The following CRACR2A variants were observed in gnomAD, a reference collection of about 807,000 sequenced individuals.
CRACR2A encodes the protein calcium release activated channel regulator 2A, also known as EF-hand calcium-binding domain-containing protein 4B.
In CRACR2A, 79 loss-of-function variants were observed where a neutral mutation model predicts 90.5. That is an observed-to-expected ratio of 0.87 (90% CI 0.73 to 1.05). CRACR2A has a LOEUF of 1.05. Ranked by LOEUF, CRACR2A falls within the 50% of genes least tolerant of loss-of-function variation. CRACR2A has a pLI of 0.00. For missense variants in CRACR2A, 823 were observed against 897.2 expected (o/e 0.92, Z 1.06); for synonymous variants, 338 against 356.7 (o/e 0.95, Z 0.59).
At chr12:3,744,282 T>C (rs1946575633) in intron 1 of CRACR2A, among the ~76,000 whole-genome samples, 1 of 152,264 alleles carries the variant, frequency 6.6e-6, no homozygotes, top group Non-Finnish European at 1.5e-5. Context: ...AATGAAGCTA[T>C]TTTTAAGTGA....
intron 10 of CRACR2A, among the ~76,000 whole-genome samples, chr12:3,652,844 G>A (rs1944818524): frequency 6.6e-6 from 1 of 152,176 alleles, no homozygotes; most frequent in South Asian, 2.1e-4. Flanking sequence ...TCCAACTCTT[G>A]TAAGAATATT....
At chr12:3,636,427 G>T (rs1485284192) in intron 14 of CRACR2A, among the ~76,000 whole-genome samples, 1 of 152,242 alleles carries the variant, frequency 6.6e-6, no homozygotes, top group African/African-American at 2.4e-5. Flanking sequence ...AAGTGAGAGA[G>T]CTCAGTGAGG....
At position 3,638,325 on chromosome 12, in the gene CRACR2A, C is replaced by A. The variant is rs752217213; in HGVS notation, c.1401G>T (p.Pro467=). The A allele has an allele frequency of 1.3e-6, 2 of 1,551,186 alleles. No homozygotes were observed. Among genetic ancestry groups the A allele is most frequent in the South Asian group, 2.4e-5 (2 of 84,056 alleles). The change falls in exon 14 of 20, where the codon CCG becomes CCT. Residue 467 remains proline, a synonymous_variant. Coordinates refer to ENST00000440314, the MANE Select transcript of CRACR2A (RefSeq NM_001144958.2). Reference sequence around the variant, plus strand: ...CTTCAACGGAGATGATTCTGCGGAGCGGCCGGGGGTACGGACCCCCAGGCC... The same window carrying A: ...CTTCAACGGAGATGATTCTGCGGAGAGGCCGGGGGTACGGACCCCCAGGCC... ...EPGPGGPYPR[P]LRRIISVEED...
intron 15 of CRACR2A, among the ~76,000 whole-genome samples, chr12:3,632,945 A>G (rs1297578400): frequency 6.6e-6 from 1 of 152,224 alleles, no homozygotes; most frequent in African/African-American, 2.4e-5. Flanking sequence ...ACATATTCCA[A>G]TGCAACCCTC....
intron 11 of CRACR2A, among the ~76,000 whole-genome samples, chr12:3,647,497 A>C (rs1004864725): frequency 6.6e-6 from 1 of 152,114 alleles, no homozygotes; most frequent in Admixed American, 6.5e-5. Flanking sequence ...AAAAGACCCC[A>C]AACTTGTCCT....
At position 3,713,317 on chromosome 12, in the gene CRACR2A, C is replaced by T; in HGVS notation, c.-117G>A. On this transcript the variant is annotated splice_region_variant and 5_prime_UTR_variant, in exon 3 of 20. In the 5' UTR this introduces an upstream ATG that the reference lacks. Coordinates refer to ENST00000440314, the MANE Select transcript of CRACR2A (RefSeq NM_001144958.2). ...TTGGCCACTGGTGACTTGAATTCCA[C>T]CTAGGAAACACACAAGAGATGAATC... The T allele has an allele frequency of 1.0e-6, 1 of 985,034 alleles. No homozygotes were observed. The highest frequency in any genetic ancestry group is 1.7e-5 in the African/African-American group (1 of 57,266). 61.0% of individuals were successfully genotyped at this position (985,034 alleles called of 1,614,324 possible). A position where few individuals can be genotyped will look rare whatever the true frequency, so the allele number is the denominator to read the frequency against.
At chr12:3,620,882 T>C (rs892527095) in intron 17 of CRACR2A, among the ~76,000 whole-genome samples, 5 of 152,246 alleles carry the variant, frequency 3.3e-5, no homozygotes, top group Non-Finnish European at 1.5e-5. Flanking sequence ...GGATTGTACA[T>C]ATTCCAACTA....
At chr12:3,747,935 C>T (rs1172979412) in intron 1 of CRACR2A, among the ~76,000 whole-genome samples, 1 of 148,448 alleles carries the variant, frequency 6.7e-6, no homozygotes, top group African/African-American at 2.6e-5. Flanking sequence ...CCCAGAAGGG[C>T]ACAGAGCTCC....
intron 6 of CRACR2A, among the ~76,000 whole-genome samples, chr12:3,678,683 G>C (rs1248632156): frequency 6.6e-6 from 1 of 152,042 alleles, no homozygotes; most frequent in Non-Finnish European, 1.5e-5. Context: ...AAGGAGAATA[G>C]GAATGATTCC....
chr12:3,680,601 T>G (rs950090230), intron 4 of CRACR2A, among the ~76,000 whole-genome samples: 9 of 152,260 alleles, frequency 5.9e-5, no homozygotes, highest in African/African-American at 9.6e-5. Flanking sequence ...AACAAATATG[T>G]AAATATGCAT....
intron 8 of CRACR2A, among the ~76,000 whole-genome samples, chr12:3,657,434 AG>A (rs1057138362): frequency 1.3e-5 from 2 of 152,202 alleles, no homozygotes; most frequent in African/African-American, 4.8e-5. Flanking sequence ...CAGCAGCAGC[AG>A]CGCGGTGGGG....
At chr12:3,694,396 C>T (rs935459599) in intron 4 of CRACR2A, among the ~76,000 whole-genome samples, 4 of 152,228 alleles carry the variant, frequency 2.6e-5, no homozygotes, top group Admixed American at 6.5e-5. Flanking sequence ...AGGACCTTTC[C>T]TGCTTTCTGA....
At chr12:3,707,773 C>T (rs983473541) in intron 3 of CRACR2A, among the ~76,000 whole-genome samples, 5 of 152,182 alleles carry the variant, frequency 3.3e-5, no homozygotes, top group African/African-American at 1.2e-4. Flanking sequence ...TTCCCTGGGC[C>T]CGGAAGAGAG....
chr12:3,647,401 G>GTA (rs1944707752), intron 11 of CRACR2A, among the ~76,000 whole-genome samples: 1 of 152,058 alleles, frequency 6.6e-6, no homozygotes, highest in Non-Finnish European at 1.5e-5. Flanking sequence ...AGACCCATAA[G>GTA]TATTTGTAGA....
At chr12:3,678,307 A>G (rs556135136) in intron 6 of CRACR2A, among the ~76,000 whole-genome samples, 2 of 152,276 alleles carry the variant, frequency 1.3e-5, no homozygotes, top group African/African-American at 4.8e-5. Flanking sequence ...TTTGTTTGAG[A>G]TCTCAGCCAT....
At chr12:3,749,176 C>G (rs1451901213) in intron 1 of CRACR2A, among the ~76,000 whole-genome samples, 1 of 152,214 alleles carries the variant, frequency 6.6e-6, no homozygotes, top group South Asian at 2.1e-4. Context: ...TAAGGGAATA[C>G]ATGGACAGCC....
At chr12:3,658,625 G>A (rs562875855) in intron 8 of CRACR2A, among the ~76,000 whole-genome samples, 14 of 152,264 alleles carry the variant, frequency 9.2e-5, no homozygotes, top group Admixed American at 2.0e-4. Context: ...TGACATCTGT[G>A]ATAATAAATG....
At chr12:3,627,371 TG>T in intron 17 of CRACR2A, 64 bp downstream of exon 17, 1 of 1,244,408 alleles carries the variant, frequency 8.0e-7, no homozygotes, top group Non-Finnish European at 1.1e-6. Flanking sequence ...ACGTGGGAGA[TG>T]GACAGAGAAG....
Position 3,627,540 on chromosome 12 carries a change from T to C in CRACR2A, c.1828A>G (p.Ile610Val). 6.4e-7 allele frequency: 1 copy of C among 1,551,578 alleles called. No individual in the cohort carries two copies. The highest frequency in any genetic ancestry group is 1.2e-5 in the South Asian group (1 of 84,056). ...GCCTTTCTGAAGAACTGCTGGGTGA[T>C]GCACCGGTACCTGCCACAGAAGGGC... ...DTAGQERYRC[I>V]TQQFFRKADG... The change falls in exon 17 of 20, where the codon ATC (isoleucine) becomes GTC (valine). Residue 610 changes from isoleucine (I) to valine (V), a missense_variant. Physicochemically the swap from Ile to Val is conservative, Grantham distance 29. Coordinates refer to ENST00000440314, the MANE Select transcript of CRACR2A (RefSeq NM_001144958.2).
Sources: allele counts gnomAD v4.1 joint callset (sites outside exome capture counted in the v4.1 genomes callset), GRCh38; gene constraint gnomAD v4.1.1; transcripts MANE v1.5; gene names NCBI Gene and HGNC (gene_info 2026-07-23, HGNC 2026-07-21).